KCNQ5: variants seen among roughly 807,000 people sequenced by gnomAD.
The protein encoded by KCNQ5 is potassium voltage-gated channel subfamily KQT member 5.
A neutral mutation model predicts 98.2 loss-of-function variants in KCNQ5; 30 were observed. The observed-to-expected ratio is 0.31, with a 90% CI of 0.23 to 0.41. KCNQ5 has a LOEUF of 0.41. KCNQ5 is among the 10% of genes least tolerant of loss of function. The probability of loss-of-function intolerance (pLI) is 1.00; values close to 1 mark genes in which losing one functional copy is unlikely to be tolerated. For synonymous variants in KCNQ5, 458 were observed against 449.4 expected (o/e 1.02, Z -0.24); for missense variants, 835 against 1,182.5 (o/e 0.71, Z 4.31).
intron 1 of KCNQ5, among the ~76,000 whole-genome samples, chr6:72,999,558 C>T (rs995450964): frequency 6.6e-6 from 1 of 152,168 alleles, no homozygotes; most frequent in African/African-American, 2.4e-5. Context: ...AGGTGCAAAA[C>T]TGGGCCCTCT....
intron 1 of KCNQ5, among the ~76,000 whole-genome samples, chr6:72,846,893 G>A (rs1046566631): frequency 6.6e-6 from 1 of 152,072 alleles, no homozygotes; most frequent in African/African-American, 2.4e-5. Context: ...CATTAAGTTG[G>A]AAGATCTGAT....
At chr6:73,175,887 GA>G (rs912325310) in intron 11 of KCNQ5, among the ~76,000 whole-genome samples, 7 of 152,192 alleles carry the variant, frequency 4.6e-5, no homozygotes, top group African/African-American at 1.7e-4. Flanking sequence ...GACTCTAAAA[GA>G]AAGAAAAGAA....
Position 73,165,940 on chromosome 6 carries a change from A to C in KCNQ5, c.1469-3806A>C, listed in dbSNP as rs185779947. On this transcript the variant is annotated intron_variant, in intron 10 of 13. Transcript: ENST00000370398. ...AGCCTGGGTGACTCCGTCTCAAAAA[A>C]AAGAAAAAAAAAGAGAGAGAAATAC... 4.0e-5 allele frequency among the ~76,000 whole-genome samples: 6 copies of C among 151,462 alleles called. No individual in the cohort carries two copies. In the East Asian group the frequency reaches 1.2e-3, roughly 30 times the overall value.
chr6:73,119,124 C>T (rs1051098515), intron 7 of KCNQ5, among the ~76,000 whole-genome samples: 1 of 152,146 alleles, frequency 6.6e-6, no homozygotes, highest in African/African-American at 2.4e-5. Flanking sequence ...GAGTAAATAC[C>T]TGGCCATTAG....
intron 1 of KCNQ5, among the ~76,000 whole-genome samples, chr6:72,691,055 T>C (rs1768192783): frequency 6.6e-6 from 1 of 152,218 alleles, no homozygotes; most frequent in Non-Finnish European, 1.5e-5. Context: ...AACTGGCTTT[T>C]CTTCTTAGCA....
At chr6:73,165,832 C>A (rs930833876) in intron 10 of KCNQ5, among the ~76,000 whole-genome samples, 2 of 151,936 alleles carry the variant, frequency 1.3e-5, no homozygotes, top group Admixed American at 1.3e-4. Context: ...ATAATCCCAG[C>A]TACTCGGGAG....
chr6:73,019,531 A>T (rs1770494979), intron 2 of KCNQ5, among the ~76,000 whole-genome samples: 1 of 152,202 alleles, frequency 6.6e-6, no homozygotes. Flanking sequence ...CTTAGGTCCC[A>T]TAAATCAAAA....
chr6:72,955,340 C>T (rs1051622005), intron 1 of KCNQ5, among the ~76,000 whole-genome samples: 2 of 152,140 alleles, frequency 1.3e-5, no homozygotes, highest in African/African-American at 4.8e-5. Flanking sequence ...TCAGTTTTCA[C>T]CTGCTTAAAG....
At chr6:72,994,613 C>G (rs2150313612) in intron 1 of KCNQ5, among the ~76,000 whole-genome samples, 1 of 151,454 alleles carries the variant, frequency 6.6e-6, no homozygotes, top group Non-Finnish European at 1.5e-5. Context: ...CAGAAATCAC[C>G]CGTCTTCTGC....
At chr6:72,683,512 T>TA (rs1767810206) in intron 1 of KCNQ5, among the ~76,000 whole-genome samples, 1 of 151,620 alleles carries the variant, frequency 6.6e-6, no homozygotes, top group East Asian at 1.9e-4. Context: ...GGACTACAGG[T>TA]ATGTGCCACC....
At chr6:72,951,776 T>C (rs1450117999) in intron 1 of KCNQ5, among the ~76,000 whole-genome samples, 1 of 152,232 alleles carries the variant, frequency 6.6e-6, no homozygotes, top group East Asian at 1.9e-4. Context: ...ATGAGAATTA[T>C]GTATTACGTA....
intron 1 of KCNQ5, among the ~76,000 whole-genome samples, chr6:72,771,235 AAGT>A (rs1772858631): frequency 6.6e-6 from 1 of 152,090 alleles, no homozygotes. Flanking sequence ...CTCAAAAAGT[AAGT>A]AGGCATTTAG....
intron 1 of KCNQ5, among the ~76,000 whole-genome samples, chr6:72,626,691 T>A (rs1019542796): frequency 2.0e-5 from 3 of 152,232 alleles, no homozygotes; most frequent in Non-Finnish European, 4.4e-5. Context: ...TTCCATTCAT[T>A]GTTGCATTCA....
intron 1 of KCNQ5, among the ~76,000 whole-genome samples, chr6:72,895,889 T>G (rs1012944029): frequency 5.9e-5 from 9 of 152,042 alleles, no homozygotes; most frequent in Non-Finnish European, 1.5e-5. Flanking sequence ...TTTGTGTCTA[T>G]TCCAGAAAAT....
intron 1 of KCNQ5, among the ~76,000 whole-genome samples, chr6:72,846,783 G>A (rs1777041517): frequency 6.6e-6 from 1 of 152,196 alleles, no homozygotes; most frequent in Admixed American, 6.6e-5. Flanking sequence ...TGGTGAAAAT[G>A]TGCCAATTGT....
At chr6:72,817,986 T>C (rs748183690) in intron 1 of KCNQ5, among the ~76,000 whole-genome samples, 2 of 152,024 alleles carry the variant, frequency 1.3e-5, no homozygotes, top group Non-Finnish European at 2.9e-5. Context: ...AAATGAATGC[T>C]TAAAGAGAAA....
chr6:73,038,375 A>C (rs1479515979), intron 2 of KCNQ5, among the ~76,000 whole-genome samples: 1 of 151,456 alleles, frequency 6.6e-6, no homozygotes, highest in Non-Finnish European at 1.5e-5. Context: ...TATTTGGCTT[A>C]TTGCAGCAAC....
At chr6:72,902,707 G>T (rs1050229986) in intron 1 of KCNQ5, among the ~76,000 whole-genome samples, 2 of 152,086 alleles carry the variant, frequency 1.3e-5, no homozygotes, top group Admixed American at 6.5e-5. Context: ...GATCATGGTG[G>T]ATTATCTTTT....
intron 1 of KCNQ5, among the ~76,000 whole-genome samples, chr6:72,855,876 A>G (rs181091803): frequency 4.0e-4 from 61 of 152,334 alleles, no homozygotes; most frequent in African/African-American, 1.4e-3. Context: ...ATTTGTCAGT[A>G]TATCTGAATT....
Sources: gnomAD v4.1 joint callset for allele counts (sites outside exome capture counted in the v4.1 genomes callset) on GRCh38, gnomAD v4.1.1 for gene constraint, MANE v1.5 for transcripts, NCBI Gene and HGNC (gene_info 2026-07-23, HGNC 2026-07-21) for gene names.